The following ALDH1L2 variants were observed in gnomAD, a reference collection of about 807,000 sequenced individuals.
The protein encoded by ALDH1L2 is mitochondrial 10-formyltetrahydrofolate dehydrogenase.
A neutral mutation model predicts 111.0 loss-of-function variants in ALDH1L2; 91 were observed. The observed-to-expected ratio is 0.82, with a 90% CI of 0.69 to 0.98. The LOEUF (loss-of-function observed/expected upper bound fraction) is 0.98, where lower values mean the gene tolerates loss of function less well. ALDH1L2 is among the 50% of genes least tolerant of loss of function. ALDH1L2 has a pLI of 0.00. For missense variants in ALDH1L2, 995 were observed against 1,126.8 expected (o/e 0.88, Z 1.67); for synonymous variants, 374 against 392.6 (o/e 0.95, Z 0.56).
intron 10 of ALDH1L2, among the ~76,000 whole-genome samples, chr12:105,053,532 A>G (rs1397606752): frequency 1.3e-5 from 2 of 152,250 alleles, no homozygotes; most frequent in Non-Finnish European, 2.9e-5. Context: ...AACTGAGGTA[A>G]TATATCAATG....
chr12:105,070,930 T>C lies in ALDH1L2; in HGVS notation c.194-126A>G, dbSNP rs543558585. 5.4e-5 allele frequency: 44 copies of C among 819,510 alleles called. 2 individuals carry two copies. The African/African-American group carries it at 6.7e-4, about 13-fold the overall frequency. The allele number at this position is 819,510 out of a possible 1,614,324, so 50.8% of individuals were successfully genotyped here. On this transcript the variant is annotated intron_variant, in intron 2 of 22. Coordinates refer to ENST00000258494, the MANE Select transcript of ALDH1L2 (RefSeq NM_001034173.4). ...AAATAAAACATGGTGAAGAACAATTTAGATTGTGACTAGAATTTCACCTGT... is the reference window on the plus strand; with the variant it reads ...AAATAAAACATGGTGAAGAACAATTCAGATTGTGACTAGAATTTCACCTGT...
intron 6 of ALDH1L2, 30 bp downstream of exon 6, chr12:105,065,237 G>T: frequency 1.7e-6 from 2 of 1,207,104 alleles, no homozygotes; most frequent in Non-Finnish European, 2.2e-6. Context: ...ATCGGGGAGG[G>T]GGGTGGGGGG....
At chr12:105,063,940 A>T (rs1877173638) in intron 6 of ALDH1L2, among the ~76,000 whole-genome samples, 1 of 150,950 alleles carries the variant, frequency 6.6e-6, no homozygotes. Context: ...AGGGCTAAGT[A>T]CTTAAATGAG....
At chr12:105,076,804 A>G (rs1878072459) in intron 1 of ALDH1L2, among the ~76,000 whole-genome samples, 1 of 152,256 alleles carries the variant, frequency 6.6e-6, no homozygotes, top group Non-Finnish European at 1.5e-5. Flanking sequence ...GAAATATACC[A>G]TGAGCCAAAC....
rs966008531 is a variant in ALDH1L2, at chr12:105,026,544, C to G, written c.2716+1G>C. 6.8e-6 allele frequency: 11 copies of G among 1,613,930 alleles called. No homozygotes were observed. The highest frequency in any genetic ancestry group is 9.3e-6 in the Non-Finnish European group (11 of 1,179,996). The stretch of plus-strand genomic sequence containing the variant: ...GGTGAAGCAGAAAAGTAAAGCCATA[C>G]CTAAGTCTTTTCCAAAGCCAGATTG... On this transcript the variant is annotated splice_donor_variant, in intron 22 of 22. Transcript: ENST00000258494. LOFTEE classifies it high-confidence loss of function.
chr12:105,023,801 A>G lies in ALDH1L2; in HGVS notation c.*623T>C, dbSNP rs1179785596. On this transcript the variant is annotated 3_prime_UTR_variant, in exon 23 of 23. Transcript: ENST00000258494. ...TTAAACTATGTGGGGGCCAGCCATCATATCATTAAATTCTCTATACTCCTC... is the reference window on the plus strand; with the variant it reads ...TTAAACTATGTGGGGGCCAGCCATCGTATCATTAAATTCTCTATACTCCTC... 1 of 152,210 alleles carries G rather than the reference A, an allele frequency of 6.6e-6. No individual in the cohort carries two copies. Among genetic ancestry groups the G allele is most frequent in the Non-Finnish European group, 1.5e-5 (1 of 68,044 alleles). 9.4% of individuals were successfully genotyped at this position (152,210 alleles called of 1,614,324 possible). A position where few individuals can be genotyped will look rare whatever the true frequency, so the allele number is the denominator to read the frequency against.
chr12:105,071,903 A>G (rs1439999077), intron 2 of ALDH1L2, among the ~76,000 whole-genome samples: 2 of 149,548 alleles, frequency 1.3e-5, no homozygotes, highest in Non-Finnish European at 3.0e-5. Context: ...CGTGGACAAC[A>G]TAATGAGACC....
intron 20 of ALDH1L2, 104 bp from the exon 21 acceptor site, chr12:105,030,533 C>T: frequency 2.3e-6 from 2 of 867,052 alleles, no homozygotes; most frequent in Non-Finnish European, 3.3e-6. Flanking sequence ...TCCCTCTGGC[C>T]CAGTAAAACC....
chr12:105,048,963 G>A (rs1876084706), intron 13 of ALDH1L2, among the ~76,000 whole-genome samples: 2 of 51,648 alleles, frequency 3.9e-5, no homozygotes, highest in East Asian at 7.2e-4. Flanking sequence ...CCCAGGAGGC[G>A]AGGTTGTAGT....
chr12:105,071,297 G>A (rs1268079721), intron 2 of ALDH1L2, among the ~76,000 whole-genome samples: 1 of 152,084 alleles, frequency 6.6e-6, no homozygotes, highest in Non-Finnish European at 1.5e-5. Context: ...TAAGTGCTGA[G>A]CTGAGCTTTT....
At chr12:105,052,689 T>C (rs879101405) in intron 11 of ALDH1L2, 123 bp downstream of exon 11, 3 of 1,167,740 alleles carry the variant, frequency 2.6e-6, no homozygotes, top group Non-Finnish European at 2.4e-6. Context: ...AGTACATTTG[T>C]GTGAAGTACT....
chr12:105,060,202 G>GA (rs1458139938), intron 9 of ALDH1L2, among the ~76,000 whole-genome samples: 1 of 151,322 alleles, frequency 6.6e-6, no homozygotes, highest in African/African-American at 2.4e-5. Flanking sequence ...AGATTTGGGG[G>GA]AAAGCATAAT....
Position 105,068,854 on chromosome 12 carries a change from C to A in ALDH1L2, c.459G>T (p.Gly153=). ...WTLIMGDKKA[G]FSVFWADDGL... Reference sequence around the variant, plus strand: ...CATCATCAGCCCAGAAAACAGAAAACCCAGCTTTCTTATCTCCCATAATTA... The same window carrying A: ...CATCATCAGCCCAGAAAACAGAAAAACCAGCTTTCTTATCTCCCATAATTA... Residue 153 remains glycine, a synonymous_variant, in exon 4 of 23, where the codon GGG becomes GGT. Transcript: ENST00000258494. 6.3e-7 allele frequency: 1 copy of A among 1,583,090 alleles called. No individual in the cohort carries two copies. Among genetic ancestry groups the A allele is most frequent in the Non-Finnish European group, 8.6e-7 (1 of 1,169,182 alleles).
chr12:105,046,996 AT>A, intron 13 of ALDH1L2, 27 bp from the exon 14 acceptor site: 2 of 1,601,488 alleles, frequency 1.2e-6, no homozygotes, highest in Non-Finnish European at 1.7e-6. Context: ...GTTGATACTT[AT>A]TTTACTAATT....
intron 10 of ALDH1L2, among the ~76,000 whole-genome samples, chr12:105,056,942 T>G (rs1876664645): frequency 6.6e-6 from 1 of 151,008 alleles, no homozygotes; most frequent in Non-Finnish European, 1.5e-5. Flanking sequence ...TAAAACCTGT[T>G]GTGTGTCAAA....
At chr12:105,050,193 G>A in intron 12 of ALDH1L2, 135 bp from the exon 13 acceptor site, 2 of 753,806 alleles carry the variant, frequency 2.7e-6, no homozygotes, top group Non-Finnish European at 3.8e-6. Flanking sequence ...AGAGATCATG[G>A]TCCAGTAGGC....
intron 20 of ALDH1L2, among the ~76,000 whole-genome samples, chr12:105,031,531 A>G (rs1013626305): frequency 3.9e-5 from 6 of 152,092 alleles, no homozygotes; most frequent in Admixed American, 1.3e-4. Flanking sequence ...CCCAAGTTGG[A>G]GTGCAGTGGC....
At position 105,033,076 on chromosome 12, in the gene ALDH1L2, C is replaced by T. The variant is rs530089698; in HGVS notation, c.2245-1142G>A. On this transcript the variant is annotated intron_variant, in intron 19 of 22. Transcript: ENST00000258494. ...GAATGGGAGTTATAACCCAGCAGGT[C>T]CATGACTTTGAATTTAGGCCTGGCC... Among the ~76,000 whole-genome samples the T allele has an allele frequency of 2.0e-5, 3 of 152,190 alleles. No homozygotes were observed. In the South Asian group the frequency reaches 6.2e-4, roughly 31 times the overall value.
intron 10 of ALDH1L2, among the ~76,000 whole-genome samples, chr12:105,057,504 C>T (rs913625586): frequency 2.6e-5 from 4 of 152,068 alleles, no homozygotes; most frequent in East Asian, 3.8e-4. Context: ...GTAGAAACAA[C>T]CCAAATGTAC....
Sources: gnomAD v4.1 joint callset for allele counts (sites outside exome capture counted in the v4.1 genomes callset) on GRCh38, gnomAD v4.1.1 for gene constraint, MANE v1.5 for transcripts, NCBI Gene and HGNC (gene_info 2026-07-23, HGNC 2026-07-21) for gene names.